The following XRCC1 variants were observed in gnomAD, a reference collection of about 807,000 sequenced individuals.
XRCC1 encodes X-ray repair cross complementing 1, also known as DNA repair protein XRCC1.
A neutral mutation model predicts 83.3 loss-of-function variants in XRCC1; 52 were observed. The observed-to-expected ratio is 0.62, with a 90% confidence interval of 0.50 to 0.79. The LOEUF (loss-of-function observed/expected upper bound fraction) is 0.79, where lower values mean the gene tolerates loss of function less well. Ranked by LOEUF, XRCC1 falls within the 30% of genes least tolerant of loss-of-function variation. The probability of loss-of-function intolerance (pLI) is 0.00; values close to 1 mark genes in which losing one functional copy is unlikely to be tolerated. For missense variants in XRCC1, 793 were observed against 823.5 expected, an observed-to-expected ratio of 0.96 and a Z score of 0.45; for synonymous variants, 281 against 312.6, an observed-to-expected ratio of 0.90 and a Z score of 1.07.
rs753403476 is a variant in XRCC1, at chr19:43,545,869, C to T, written c.1570G>A (p.Asp524Asn). Residue 524 changes from aspartate to asparagine, a missense_variant, in exon 14 of 17, where the codon GAC (aspartate) becomes AAC (asparagine). Transcript: ENST00000262887. The part of the protein sequence containing the change: ...PYAGSTDENT[D>N]SEEHQEPPDL... Reference sequence around the variant, plus strand: ...GGAGGCTCCTGGTGTTCCTCACTGTCCGTGTTCTCATCCGTGGAGCCTGCA... The same window carrying T: ...GGAGGCTCCTGGTGTTCCTCACTGTTCGTGTTCTCATCCGTGGAGCCTGCA... 1 of 1,613,192 alleles carries T rather than the reference C, an allele frequency of 6.2e-7. No individual in the cohort carries two copies. Among genetic ancestry groups the T allele is most frequent in the African/African-American group, 1.3e-5 (1 of 75,000 alleles).
chr19:43,563,338 T>A (rs1002920186), intron 2 of XRCC1, among the ~76,000 whole-genome samples: 1 of 151,838 alleles, frequency 6.6e-6, no homozygotes, highest in African/African-American at 2.4e-5. Flanking sequence ...AATATGAAAA[T>A]TAAAATTAGC....
chr19:43,575,039 G>GAGATGAC lies in XRCC1; in HGVS notation c.52-44_52-38dup, dbSNP rs1405956803. ...AGTGGGAGAGGAGAATTAGGGCACA[G>GAGATGAC]AGATGACAGCTAGGCCTCCAGCTCT... On this transcript the variant is annotated intron_variant, in intron 1 of 16. Transcript: ENST00000262887. The GAGATGAC allele has an allele frequency of 4.5e-6, 7 of 1,543,628 alleles. No individual in the cohort carries two copies. The African/African-American group carries it at 9.5e-5, about 21-fold the overall frequency.
intron 11 of XRCC1, 62 bp downstream of exon 11, chr19:43,546,822 C>T: frequency 1.3e-6 from 2 of 1,599,446 alleles, no homozygotes; most frequent in African/African-American, 1.3e-5. Context: ...GTTTGGGGTG[C>T]CACAGCGGAC....
intron 1 of XRCC1, 52 bp from the exon 2 acceptor site, chr19:43,575,054 C>A (rs749186359): frequency 6.9e-7 from 1 of 1,443,516 alleles, no homozygotes. Context: ...GACAGCTAGG[C>A]CTCCAGCTCT....
intron 2 of XRCC1, among the ~76,000 whole-genome samples, chr19:43,562,719 G>A (rs1224137346): frequency 2.0e-5 from 3 of 152,040 alleles, no homozygotes; most frequent in Non-Finnish European, 2.9e-5. Context: ...TACTCTGGGC[G>A]ACAGAGTGAT....
At chr19:43,557,666 G>A (rs1972651659) in intron 3 of XRCC1, among the ~76,000 whole-genome samples, 1 of 151,782 alleles carries the variant, frequency 6.6e-6, no homozygotes, top group Admixed American at 6.6e-5. Context: ...GGTGGCACAG[G>A]CCTGTAATCC....
chr19:43,561,577 T>C lies in XRCC1; in HGVS notation c.145-557A>G, dbSNP rs3213322. Among the ~76,000 whole-genome samples, 1,413 of 152,314 alleles carry C rather than the reference T, an allele frequency of 9.3e-3. 16 individuals are homozygous for C. Among genetic ancestry groups the C allele is most frequent in the Middle Eastern group, 0.037 (11 of 294 alleles). ...ATGGGAATGACCACCATATCTAGGA[T>C]CATGCACATAAATAATGGCCACAGG... On this transcript the variant is annotated intron_variant, in intron 2 of 16. Transcript: ENST00000262887.
chr19:43,560,828 C>T, intron 3 of XRCC1, 82 bp downstream of exon 3: 1 of 1,205,196 alleles, frequency 8.3e-7, no homozygotes. Flanking sequence ...CATGTCTTCC[C>T]AGCCCCAGCC....
chr19:43,561,974 C>T (rs1972704085), intron 2 of XRCC1, among the ~76,000 whole-genome samples: 1 of 151,964 alleles, frequency 6.6e-6, no homozygotes, highest in East Asian at 1.9e-4. Context: ...GGCAAAACCC[C>T]TTCTCTACTA....
chr19:43,574,129 G>A (rs182596235), intron 2 of XRCC1, among the ~76,000 whole-genome samples: 1 of 152,078 alleles, frequency 6.6e-6, no homozygotes, highest in Non-Finnish European at 1.5e-5. Flanking sequence ...AGGCTGGAGT[G>A]CAGTGGCACA....
At chr19:43,563,516 CAACAAT>C (rs903150663) in intron 2 of XRCC1, among the ~76,000 whole-genome samples, 4 of 151,982 alleles carry the variant, frequency 2.6e-5, no homozygotes, top group Admixed American at 2.0e-4. Flanking sequence ...ACAACAAAAA[CAACAAT>C]AACAAGAAGT....
At position 43,551,672 on chromosome 19, in the gene XRCC1, G is replaced by A. The variant is rs2146049210; in HGVS notation, c.1098C>T (p.Asn366=). The A allele has an allele frequency of 4.3e-6, 7 of 1,614,170 alleles. No homozygotes were observed. The highest frequency in any genetic ancestry group is 5.9e-6 in the Non-Finnish European group (7 of 1,180,032). ...DSTHLICAFA[N]TPKYSQVLGL... ...CTAGGACCTGGCTGTACTTGGGGGT[G>A]TTGGCAAAGGCACAGCTGGTGGGGG... The change falls in exon 10 of 17, where the codon AAC becomes AAT. Residue 366 remains asparagine (N), a synonymous_variant. Coordinates refer to ENST00000262887, the MANE Select transcript of XRCC1 (RefSeq NM_006297.3).
chr19:43,575,102 C>G (rs1294251161), intron 1 of XRCC1, 100 bp from the exon 2 acceptor site: 1 of 983,574 alleles, frequency 1.0e-6, no homozygotes, highest in Non-Finnish European at 1.6e-6. Context: ...GCCTCTACGA[C>G]CCCCAGATTT....
Position 43,553,451 on chromosome 19 carries a change from G to A in XRCC1, c.551C>T (p.Ser184Phe), listed in dbSNP as rs2146052469. ...RVKEEDESAN[S>F]LRPGALFFSR... The stretch of plus-strand genomic sequence containing the variant: ...GAAGAAGAGAGCCCCCGGCCTCAGA[G>A]AGTTGGCGCTCTCATCCTCCTCCTT... Residue 184 changes from serine to phenylalanine, a missense_variant, in exon 6 of 17, where the codon TCT (serine) becomes TTT (phenylalanine). Ser to Phe is a radical substitution (Grantham distance 155). Transcript: ENST00000262887. 2 of 1,614,194 alleles carry A rather than the reference G, an allele frequency of 1.2e-6. No homozygotes were observed. The highest frequency in any genetic ancestry group is 1.1e-5 in the South Asian group (1 of 91,086).
chr19:43,561,376 C>T (rs1972697424), intron 2 of XRCC1, among the ~76,000 whole-genome samples: 1 of 152,208 alleles, frequency 6.6e-6, no homozygotes, highest in African/African-American at 2.4e-5. Flanking sequence ...AGACAAACAG[C>T]ACATGTCACC....
intron 2 of XRCC1, among the ~76,000 whole-genome samples, chr19:43,561,803 T>C (rs1009043971): frequency 7.2e-5 from 11 of 152,146 alleles, no homozygotes; most frequent in Admixed American, 6.6e-4. Flanking sequence ...TTGAGGCAAG[T>C]GTCCTGCCTT....
chr19:43,544,453 G>A (rs1200661068), intron 14 of XRCC1, among the ~76,000 whole-genome samples: 1 of 151,994 alleles, frequency 6.6e-6, no homozygotes, highest in Non-Finnish European at 1.5e-5. Flanking sequence ...AAGATACAAT[G>A]CCTATTATTG....
chr19:43,548,734 AT>A (rs1234421182), intron 10 of XRCC1, among the ~76,000 whole-genome samples: 1 of 138,230 alleles, frequency 7.2e-6, no homozygotes, highest in East Asian at 2.1e-4. Flanking sequence ...ACCCTGCCAA[AT>A]CCCCCTCTGT....
intron 2 of XRCC1, among the ~76,000 whole-genome samples, chr19:43,561,407 G>A (rs1334559029): frequency 6.6e-6 from 1 of 152,168 alleles, no homozygotes; most frequent in Admixed American, 6.5e-5. Context: ...AATCGCAGAG[G>A]ACTCCAGGAA....
Sources: gnomAD v4.1 joint callset for allele counts (sites outside exome capture counted in the v4.1 genomes callset) on GRCh38, gnomAD v4.1.1 for gene constraint, MANE v1.5 for transcripts, NCBI Gene and HGNC (gene_info 2026-07-23, HGNC 2026-07-21) for gene names.